ZNF362: variants seen among roughly 807,000 people sequenced by gnomAD.
ZNF362 encodes zinc finger protein 362.
ZNF362 carries 11 observed loss-of-function variants against 42.9 expected under a neutral mutation model. The ratio of observed to expected loss-of-function variants is 0.26; its 90% confidence interval spans 0.16 to 0.42. The LOEUF (loss-of-function observed/expected upper bound fraction) is 0.42. ZNF362 is among the 20% of genes least tolerant of loss of function. The pLI is 1.00. For synonymous variants in ZNF362, 255 were observed against 257.3 expected, an observed-to-expected ratio of 0.99 and a Z score of 0.09; for missense variants, 362 against 576.2, an observed-to-expected ratio of 0.63 and a Z score of 3.81.
Position 33,280,285 on chromosome 1 carries a change from C to G in ZNF362, c.511C>G (p.Pro171Ala), listed in dbSNP as rs374737076. ...PTLISGITSPPLLDSIKTIQG... is the reference protein window; with the variant it reads ...PTLISGITSPALLDSIKTIQG... The stretch of plus-strand genomic sequence containing the variant: ...CCTCATCTCAGGGATCACCAGCCCC[C>G]CTCTCCTGGACTCCATCAAGACAAT... The change falls in exon 5 of 9, where the codon CCT (proline) becomes GCT (alanine). Residue 171 changes from proline to alanine, a missense_variant. Pro to Ala is a conservative substitution (Grantham distance 27). This residue lies in a region of ZNF362 where 266 missense variants were observed against 365.4 expected (regional missense o/e 0.73). Coordinates refer to ENST00000539719, the MANE Select transcript of ZNF362 (RefSeq NM_152493.3). This position sits in a 1 kb window ranked among gnomAD's most constrained non-coding sequence, Gnocchi z 5.6. The G allele has an allele frequency of 1.2e-6, 2 of 1,614,118 alleles. No homozygotes were observed. Among genetic ancestry groups the G allele is most frequent in the Non-Finnish European group, 1.7e-6 (2 of 1,179,954 alleles).
At chr1:33,179,860 C>A in the ZNF362 span, among the ~76,000 whole-genome samples, 1 of 152,196 alleles carries the variant, frequency 6.6e-6, no homozygotes, top group East Asian at 1.9e-4. Context: ...TTATTTGCAA[C>A]AAAATTTCTC....
chr1:33,291,794 G>T (rs1319857095), intron 6 of ZNF362, among the ~76,000 whole-genome samples: 1 of 152,166 alleles, frequency 6.6e-6, no homozygotes, highest in African/African-American at 2.4e-5. Flanking sequence ...CACATCCCTT[G>T]TAAGTTGAAT....
At chr1:33,171,814 C>T in the ZNF362 span, among the ~76,000 whole-genome samples, 4 of 152,288 alleles carry the variant, frequency 2.6e-5, no homozygotes, top group East Asian at 7.7e-4. Flanking sequence ...CAGAATCTCG[C>T]TCTGTAACCC....
chr1:33,225,830 C>A, the ZNF362 span, among the ~76,000 whole-genome samples: 4,207 of 152,264 alleles, frequency 0.028, 184 homozygotes, highest in African/African-American at 0.095. Context: ...GATTACTATG[C>A]AGTTTCACAA....
At chr1:33,255,040 CT>C (rs1283965528), upstream of ZNF362, among the ~76,000 whole-genome samples, 3 of 152,132 alleles carry the variant, frequency 2.0e-5, no homozygotes, top group African/African-American at 7.2e-5. Context: ...CCTCTGTGCT[CT>C]CCCGCCATGC....
the ZNF362 span, chr1:33,147,317 A>G: frequency 1.1e-5 from 18 of 1,614,212 alleles, no homozygotes; most frequent in Non-Finnish European, 1.5e-5. The surrounding 1 kb of genome is among the most constrained non-coding windows in gnomAD (Gnocchi z 8.1). Context: ...TCAGCATTGT[A>G]GAAGATGAGC....
At chr1:33,244,707 C>T in the ZNF362 span, among the ~76,000 whole-genome samples, 1 of 152,190 alleles carries the variant, frequency 6.6e-6, no homozygotes, top group Non-Finnish European at 1.5e-5. This position sits in a 1 kb window ranked among gnomAD's most constrained non-coding sequence, Gnocchi z 4.0. Context: ...CTTCATCTCT[C>T]TGAGCCTCAA....
chr1:33,253,525 G>A (rs1258807457), upstream of ZNF362, among the ~76,000 whole-genome samples: 1 of 151,990 alleles, frequency 6.6e-6, no homozygotes, highest in Non-Finnish European at 1.5e-5. Context: ...GCTCACTTTG[G>A]CTGGCTGGAG....
At chr1:33,137,411 T>C in the ZNF362 span, among the ~76,000 whole-genome samples, 1 of 152,214 alleles carries the variant, frequency 6.6e-6, no homozygotes, top group African/African-American at 2.4e-5. Context: ...ATGTTAATGA[T>C]ATTTCAAACC....
the ZNF362 span, among the ~76,000 whole-genome samples, chr1:33,218,932 T>C: frequency 3.7e-3 from 449 of 121,084 alleles, 2 homozygotes; most frequent in African/African-American, 0.012. Context: ...GAGCTGGACA[T>C]ACACACACAC....
At chr1:33,176,398 C>T in the ZNF362 span, 1 of 695,628 alleles carries the variant, frequency 1.4e-6, no homozygotes, top group Admixed American at 2.0e-5. Flanking sequence ...GATCACCATA[C>T]CCTGCCTACC....
intron 4 of ZNF362, 152 bp from the exon 5 acceptor site, chr1:33,279,972 A>T: frequency 2.5e-6 from 2 of 811,692 alleles, no homozygotes; most frequent in Non-Finnish European, 3.6e-6. Context: ...AAGGCATCTT[A>T]CACATGCACA....
chr1:33,264,412 G>A (rs149053979), intron 1 of ZNF362, among the ~76,000 whole-genome samples: 1 of 152,318 alleles, frequency 6.6e-6, no homozygotes, highest in East Asian at 1.9e-4. Context: ...AATGGCAGCT[G>A]ACTGTTCAGG....
At chr1:33,215,512 A>G in the ZNF362 span, among the ~76,000 whole-genome samples, 135,961 of 152,182 alleles carry the variant, frequency 0.89, 62,015 homozygotes, top group South Asian at 0.98. Context: ...AAAGAGTGAT[A>G]TTGGAATGTT....
chr1:33,145,632 C>T, the ZNF362 span: 90 of 269,810 alleles, frequency 3.3e-4, no homozygotes, highest in Non-Finnish European at 5.9e-4. Flanking sequence ...GTCAGAGACC[C>T]CAAGTGCAGA....
rs1646110840 is a variant in ZNF362, at chr1:33,295,133, C to T, written c.988-14C>T. 1 of 1,613,588 alleles carries T rather than the reference C, an allele frequency of 6.2e-7. No homozygotes were observed. The highest frequency in any genetic ancestry group is 8.5e-7 in the Non-Finnish European group (1 of 1,179,764). On this transcript the variant is annotated splice_polypyrimidine_tract_variant and intron_variant, in intron 7 of 8. Coordinates refer to ENST00000539719, the MANE Select transcript of ZNF362 (RefSeq NM_152493.3). ...GCCCTGTTCCTCTCCTGACCCCCTG[C>T]TGTGCCCCTACAGTCTCACCAGCGC...
At chr1:33,128,521 A>G in the ZNF362 span, among the ~76,000 whole-genome samples, 1 of 152,232 alleles carries the variant, frequency 6.6e-6, no homozygotes, top group Non-Finnish European at 1.5e-5. Context: ...ACAGATAGCA[A>G]CTAGTGGAGG....
At chr1:33,176,538 T>G in the ZNF362 span, 1 of 637,174 alleles carries the variant, frequency 1.6e-6, no homozygotes, top group Non-Finnish European at 2.9e-6. Flanking sequence ...CTCTGGGGGT[T>G]AGGAACCTGA....
the ZNF362 span, among the ~76,000 whole-genome samples, chr1:33,210,887 A>T: frequency 1.3e-5 from 2 of 151,374 alleles, no homozygotes; most frequent in Non-Finnish European, 2.9e-5. Flanking sequence ...CCAATTTGCC[A>T]GTCTGTGTCT....
Sources: gnomAD v4.1 joint callset for allele counts (sites outside exome capture counted in the v4.1 genomes callset) on GRCh38, gnomAD v4.1.1 for gene constraint, gnomAD v4.1.1 regional missense constraint, Gnocchi (gnomAD v3.1) non-coding constraint, MANE v1.5 for transcripts, NCBI Gene and HGNC (gene_info 2026-07-23, HGNC 2026-07-21) for gene names.